Variants in DNAH17 observed in about 807,000 individuals in gnomAD.
DNAH17 encodes the protein axonemal beta dynein heavy chain 17.
Under a neutral mutation model 485.6 loss-of-function variants are expected in DNAH17, and 376 were observed. The ratio of observed to expected loss-of-function variants is 0.77; its 90% CI spans 0.71 to 0.84. The LOEUF is 0.84. DNAH17 is among the 40% of genes least tolerant of loss of function. The pLI is 0.00. For missense variants in DNAH17, 6,370 were observed against 5,839.3 expected, an observed-to-expected ratio of 1.09 and a Z score of -2.96; for synonymous variants, 3,031 against 2,405.9, an observed-to-expected ratio of 1.26 and a Z score of -7.60.
chr17:78,434,323 A>G (rs1208401790), intron 74 of DNAH17, 103 bp from the exon 75 acceptor site: 1 of 814,068 alleles, frequency 1.2e-6, no homozygotes, highest in Admixed American at 2.9e-5. Flanking sequence ...ATGCTTTGCT[A>G]GGGTGGGGGC....
intron 29 of DNAH17, 74 bp from the exon 30 acceptor site, chr17:78,506,920 C>T (rs919594061): frequency 1.0e-5 from 16 of 1,583,618 alleles, no homozygotes; most frequent in Middle Eastern, 1.9e-4. Flanking sequence ...ACCCTGTCGG[C>T]GAAGGAAACT....
chr17:78,571,790 G>T lies in DNAH17; in HGVS notation c.540-8C>A, dbSNP rs781735606. 4.5e-6 allele frequency: 7 copies of T among 1,567,396 alleles called. No homozygotes were observed. The highest frequency in any genetic ancestry group is 6.1e-6 in the Non-Finnish European group (7 of 1,155,690). On this transcript the variant is annotated splice_region_variant and splice_polypyrimidine_tract_variant and intron_variant, in intron 3 of 80. Coordinates refer to ENST00000389840, the MANE Select transcript of DNAH17 (RefSeq NM_173628.4). ...TCCAGTGAAGAGGGGATCCTGCCCA[G>T]TGGAAGGTTGGGGCATTGCTCTCAT...
rs779594093 is a variant in DNAH17 at position 78,506,804 on chromosome 17, C to T, written c.4719G>A (p.Thr1573=). Residue 1573 remains threonine (T), a synonymous_variant, in exon 30 of 81, where the codon ACG becomes ACA. Transcript: ENST00000389840. ...AGAACCGGGGGAAAGCCAGTCTTTT[C>T]GTCTCTAAATACTCTGCCAAAGCCT... is the stretch of plus-strand genomic sequence containing the variant. The part of the protein sequence containing the change: ...CEKALAEYLE[T]KRLAFPRFYF... 21 of 1,613,850 alleles carry T rather than the reference C, an allele frequency of 1.3e-5. No individual in the cohort carries two copies. The highest frequency in any genetic ancestry group is 1.6e-4 in the Middle Eastern group (1 of 6,082).
At chr17:78,561,031 G>A (rs2143648807) in intron 12 of DNAH17, 96 bp from the exon 13 acceptor site, 2 of 1,214,058 alleles carry the variant, frequency 1.6e-6, no homozygotes, top group Admixed American at 4.5e-5. Context: ...GGGTGCCGAA[G>A]CGGCCGGCCA....
intron 20 of DNAH17, 25 bp downstream of exon 20, chr17:78,532,457 G>T: frequency 1.3e-6 from 2 of 1,586,978 alleles, no homozygotes; most frequent in Non-Finnish European, 1.7e-6. Context: ...AGACAAGGAG[G>T]CTGGTGGGTG....
chr17:78,537,561 C>A, intron 18 of DNAH17, 80 bp from the exon 19 acceptor site: 2 of 1,464,648 alleles, frequency 1.4e-6, no homozygotes, highest in East Asian at 2.4e-5. Flanking sequence ...TCATCCACTC[C>A]GTACCATCAA....
intron 75 of DNAH17, among the ~76,000 whole-genome samples, chr17:78,430,789 C>T (rs2086644250): frequency 6.6e-6 from 1 of 152,118 alleles, no homozygotes; most frequent in Non-Finnish European, 1.5e-5. Context: ...ACTGTGTTGG[C>T]CAGGCTGGTC....
At position 78,543,331 on chromosome 17, in the gene DNAH17, C is replaced by T. The variant is rs554610683; in HGVS notation, c.2532+526G>A. Among the ~76,000 whole-genome samples the T allele has an allele frequency of 3.3e-4, 49 of 150,234 alleles. No individual in the cohort carries two copies. In the South Asian group the frequency reaches 3.4e-3, roughly 10 times the overall value. Reference sequence around the variant, plus strand: ...CGGAGTCTCGCTCTGTCGCCCAAGCCGGACTGCGGATTGCAGTGGCGCAAT... The same window carrying T: ...CGGAGTCTCGCTCTGTCGCCCAAGCTGGACTGCGGATTGCAGTGGCGCAAT... On this transcript the variant is annotated intron_variant, in intron 17 of 80. Transcript: ENST00000389840.
intron 16 of DNAH17, among the ~76,000 whole-genome samples, chr17:78,546,356 T>C (rs1568234103): frequency 1.3e-5 from 2 of 152,208 alleles, no homozygotes; most frequent in Non-Finnish European, 2.9e-5. Flanking sequence ...AAGTAGCATA[T>C]AACTACATTT....
At position 78,454,914 on chromosome 17, in the gene DNAH17, G is replaced by GT. The variant is rs146636780; in HGVS notation, c.10171-210dup. Among the ~76,000 whole-genome samples, 4,853 of 149,402 alleles carry GT rather than the reference G, an allele frequency of 0.032. 175 individuals carry two copies. The highest frequency in any genetic ancestry group is 0.088 in the African/African-American group (3,568 of 40,746). ...TGTCAGCACAGCAACACCGGGCCAC[G>GT]TTTTTTTTTTCCCCTGACAGAGTCT... On this transcript the variant is annotated intron_variant, in intron 63 of 80. Transcript: ENST00000389840.
At position 78,459,770 on chromosome 17, in the gene DNAH17, C is replaced by T; in HGVS notation, c.9653+14G>A. ...GGAGGGAAGCCCCGGCTACGAGGCC[C>T]AGCCCCGACTCACTTGAAGGCCTTC... On this transcript the variant is annotated intron_variant, in intron 60 of 80. Coordinates refer to ENST00000389840, the MANE Select transcript of DNAH17 (RefSeq NM_173628.4). 4 of 1,613,616 alleles carry T rather than the reference C, an allele frequency of 2.5e-6. No homozygotes were observed. Among genetic ancestry groups the T allele is most frequent in the Non-Finnish European group, 1.7e-6 (2 of 1,179,602 alleles).
chr17:78,449,465 C>T lies in DNAH17; in HGVS notation c.11160G>A (p.Arg3720=), dbSNP rs2087452681. The T allele has an allele frequency of 6.4e-7, 1 of 1,557,438 alleles. No individual in the cohort carries two copies. Among genetic ancestry groups the T allele is most frequent in the East Asian group, 2.4e-5 (1 of 41,556 alleles). The part of the protein sequence containing the change: ...ITYSVYMYTA[R]GLFERDKLIF... Reference sequence around the variant, plus strand: ...TGAGTTTGTCCCTCTCGAAGAGTCCCCGGGCCGTGTACATGTAGACGGAGT... The same window carrying T: ...TGAGTTTGTCCCTCTCGAAGAGTCCTCGGGCCGTGTACATGTAGACGGAGT... Residue 3720 remains arginine (R), a synonymous_variant, in exon 69 of 81, where the codon CGG becomes CGA. Transcript: ENST00000389840.
At position 78,501,133 on chromosome 17, in the gene DNAH17, C is replaced by T. The variant is rs1286254804; in HGVS notation, c.5483+51G>A. 13 of 1,513,014 alleles carry T rather than the reference C, an allele frequency of 8.6e-6. No homozygotes were observed. In the East Asian group the frequency reaches 9.4e-5, roughly 11 times the overall value. The allele number at this position is 1,513,014 out of a possible 1,614,324, so 93.7% of individuals were successfully genotyped here. A position where few individuals can be genotyped will look rare whatever the true frequency, so the allele number is the denominator to read the frequency against. On this transcript the variant is annotated intron_variant, in intron 35 of 80. Coordinates refer to ENST00000389840, the MANE Select transcript of DNAH17 (RefSeq NM_173628.4). ...AAGTCGGACAGTTCCAAGAATCATG[C>T]GGAAGGGACCCACCAAGAGCACATG...
intron 17 of DNAH17, among the ~76,000 whole-genome samples, chr17:78,543,332 G>A (rs1449768601): frequency 4.0e-5 from 6 of 149,830 alleles, no homozygotes; most frequent in South Asian, 2.1e-4. Flanking sequence ...CGCCCAAGCC[G>A]GACTGCGGAT....
At position 78,444,588 on chromosome 17, in the gene DNAH17, G is replaced by T. The variant is rs757452758; in HGVS notation, c.11528+16C>A. 30 of 1,536,268 alleles carry T rather than the reference G, an allele frequency of 2.0e-5. No homozygotes were observed. Among genetic ancestry groups the T allele is most frequent in the Non-Finnish European group, 2.5e-5 (29 of 1,142,460 alleles). The stretch of plus-strand genomic sequence containing the variant: ...GGGCCTCGGGGGCGGGGCCCCCGGC[G>T]CGGCGGGACACTCACTTGATAGCGT... On this transcript the variant is annotated intron_variant, in intron 71 of 80. Coordinates refer to ENST00000389840, the MANE Select transcript of DNAH17 (RefSeq NM_173628.4).
intron 24 of DNAH17, among the ~76,000 whole-genome samples, chr17:78,525,853 G>A (rs865840754): frequency 2.0e-5 from 3 of 152,252 alleles, no homozygotes; most frequent in African/African-American, 4.8e-5. Context: ...ATGAGGAAAC[G>A]GCCATGAGGA....
rs754609702 is a variant in DNAH17, at chr17:78,533,173, A to G, written c.2860-437T>C. On this transcript the variant is annotated intron_variant, in intron 19 of 80. Transcript: ENST00000389840. ...CCCGAGATGACTCACACATTGATTCATTCATTCGATAGCTCGCTCTCACTG... is the reference window on the plus strand; with the variant it reads ...CCCGAGATGACTCACACATTGATTCGTTCATTCGATAGCTCGCTCTCACTG... 3.5e-4 allele frequency: 67 copies of G among 188,958 alleles called. 2 individuals carry two copies. Among genetic ancestry groups the G allele is most frequent in the Non-Finnish European group, 1.9e-4 (17 of 90,408 alleles). 11.7% of individuals were successfully genotyped at this position (188,958 alleles called of 1,614,324 possible).
intron 16 of DNAH17, among the ~76,000 whole-genome samples, chr17:78,550,551 A>G (rs1446118618): frequency 2.6e-5 from 4 of 152,244 alleles, no homozygotes; most frequent in African/African-American, 9.6e-5. Flanking sequence ...ATGAGGACAC[A>G]GACACACAGA....
chr17:78,532,648 T>G lies in DNAH17; in HGVS notation c.2948A>C (p.Tyr983Ser). ...GGAGTACCTCTCAAAGGAATCCTGGTACTCCTCGGCCTCCTTCATGGCATT... is the reference window on the plus strand; with the variant it reads ...GGAGTACCTCTCAAAGGAATCCTGGGACTCCTCGGCCTCCTTCATGGCATT... ...VINAMKEAEEYQDSFERYSYL... is the reference protein window; with the variant it reads ...VINAMKEAEESQDSFERYSYL... Residue 983 changes from tyrosine (Y) to serine (S), a missense_variant, in exon 20 of 81, where the codon TAC becomes TCC. Tyr to Ser is a moderately radical substitution (Grantham distance 144). Coordinates refer to ENST00000389840, the MANE Select transcript of DNAH17 (RefSeq NM_173628.4). 6.3e-7 allele frequency: 1 copy of G among 1,597,870 alleles called. No individual in the cohort carries two copies. Among genetic ancestry groups the G allele is most frequent in the South Asian group, 1.1e-5 (1 of 88,306 alleles).
Sources: gnomAD v4.1 joint callset for allele counts (sites outside exome capture counted in the v4.1 genomes callset) on GRCh38, gnomAD v4.1.1 for gene constraint, MANE v1.5 for transcripts, NCBI Gene and HGNC (gene_info 2026-07-23, HGNC 2026-07-21) for gene names.